FBXW8: variants seen among roughly 807,000 people sequenced by gnomAD.
FBXW8 encodes the protein F-box/WD repeat-containing protein 8.
Under a neutral mutation model 65.3 loss-of-function variants are expected in FBXW8, and 57 were observed. That is an observed-to-expected ratio of 0.87 (90% CI 0.71 to 1.09). The LOEUF is 1.09. Among genes scored for constraint, FBXW8 ranks in the 50% least tolerant of loss-of-function variants. The pLI is 0.00. For synonymous variants in FBXW8, 308 were observed against 330.2 expected (o/e 0.93, Z 0.73); for missense variants, 777 against 814.8 (o/e 0.95, Z 0.57).
chr12:116,997,212 T>G (rs1478857901), intron 7 of FBXW8, among the ~76,000 whole-genome samples: 3 of 152,200 alleles, frequency 2.0e-5, no homozygotes, highest in Admixed American at 6.5e-5. Flanking sequence ...CTTAGATGCT[T>G]TTGAGGACTG....
At chr12:116,982,555 G>A (rs1885382243) in intron 5 of FBXW8, among the ~76,000 whole-genome samples, 1 of 151,258 alleles carries the variant, frequency 6.6e-6, no homozygotes, top group South Asian at 2.1e-4. Context: ...AGGGGAAATC[G>A]AAAAAGATGA....
At chr12:116,930,316 T>C (rs1214754138) in intron 2 of FBXW8, among the ~76,000 whole-genome samples, 1 of 152,250 alleles carries the variant, frequency 6.6e-6, no homozygotes, top group Non-Finnish European at 1.5e-5. Context: ...CTCCATGTCT[T>C]TGCCAGCACT....
chr12:116,935,152 TAAAG>T (rs977851409), intron 2 of FBXW8, among the ~76,000 whole-genome samples: 31 of 152,172 alleles, frequency 2.0e-4, no homozygotes, highest in Admixed American at 5.9e-4. Context: ...AACAAAGTAA[TAAAG>T]AAAAAGAGGG....
intron 2 of FBXW8, among the ~76,000 whole-genome samples, chr12:116,944,230 T>C (rs1180353504): frequency 6.6e-6 from 1 of 152,176 alleles, no homozygotes. Context: ...TTTTGTTAAT[T>C]TCCAGACTCC....
In FBXW8 at chr12:116,911,210, G is replaced by A; in HGVS notation, c.173G>A (p.Arg58His). 8.0e-7 allele frequency: 1 copy of A among 1,251,876 alleles called. No individual in the cohort carries two copies. The highest frequency in any genetic ancestry group is 1.0e-6 in the Non-Finnish European group (1 of 1,001,810). 77.5% of individuals were successfully genotyped at this position (1,251,876 alleles called of 1,614,324 possible). ...TCGGGGGACCCGGCGCTGGCCCAGC[G>A]TCTCCTGGAGGGCGCGGGGAGGCCC... Reference protein sequence around the residue: ...QASGDPALAQRLLEGAGRPPA... With the variant: ...QASGDPALAQHLLEGAGRPPA... The change falls in exon 1 of 11, where the codon CGT becomes CAT. Residue 58 changes from arginine (R) to histidine (H), a missense_variant. By Grantham distance (29) the Arg-to-His change is conservative. Transcript: ENST00000652555.
At chr12:117,001,197 A>G (rs1002435712) in intron 7 of FBXW8, among the ~76,000 whole-genome samples, 2 of 152,204 alleles carry the variant, frequency 1.3e-5, no homozygotes, top group African/African-American at 4.8e-5. Context: ...CTCATGCACC[A>G]TGTAGAGTGA....
intron 2 of FBXW8, among the ~76,000 whole-genome samples, chr12:116,944,844 A>G (rs553157070): frequency 2.0e-5 from 3 of 152,336 alleles, no homozygotes; most frequent in South Asian, 4.1e-4. Context: ...TTAATTAAAT[A>G]TATACATATG....
intron 4 of FBXW8, among the ~76,000 whole-genome samples, chr12:116,960,611 G>A (rs548644641): frequency 1.1e-4 from 17 of 152,306 alleles, no homozygotes; most frequent in African/African-American, 3.8e-4. Flanking sequence ...ACATCAGTGT[G>A]TACATTCTGG....
chr12:116,949,473 C>T (rs1883129076), intron 3 of FBXW8, 145 bp from the exon 4 acceptor site: 2 of 693,410 alleles, frequency 2.9e-6, no homozygotes, highest in Non-Finnish European at 5.1e-6. Flanking sequence ...TCATCTTTGT[C>T]TTTTTGAATG....
chr12:116,917,376 T>C (rs1192641966), intron 1 of FBXW8, among the ~76,000 whole-genome samples: 1 of 152,196 alleles, frequency 6.6e-6, no homozygotes, highest in Non-Finnish European at 1.5e-5. Flanking sequence ...TTAGTTCCAT[T>C]TGAGACTCCC....
At chr12:116,915,500 T>A (rs1880331571) in intron 1 of FBXW8, among the ~76,000 whole-genome samples, 1 of 152,064 alleles carries the variant, frequency 6.6e-6, no homozygotes, top group Non-Finnish European at 1.5e-5. Flanking sequence ...CAGGGCAGCA[T>A]CACCAGCATG....
intron 8 of FBXW8, among the ~76,000 whole-genome samples, chr12:117,023,728 CCTCACCCGGTTAGGATCTGGGGT>C (rs1645699147): frequency 6.6e-6 from 1 of 152,226 alleles, no homozygotes; most frequent in Admixed American, 6.5e-5. Context: ...CTAACCGGGT[CCTCACCCGGTTAGGATCTGGGGT>C]GTCTGGCTTT....
In FBXW8 at chr12:117,030,498, G is replaced by A. The variant is rs958481624; in HGVS notation, c.*2326G>A. On this transcript the variant is annotated 3_prime_UTR_variant, in exon 11 of 11. Coordinates refer to ENST00000652555, the MANE Select transcript of FBXW8 (RefSeq NM_153348.3). ...TAGTCTTAATGCGTCTGGACCACTGGGGAAAATATTTTTCTTTTCAAAAAG... is the reference window on the plus strand; with the variant it reads ...TAGTCTTAATGCGTCTGGACCACTGAGGAAAATATTTTTCTTTTCAAAAAG... The A allele has an allele frequency of 1.3e-5, 2 of 152,126 alleles. No individual in the cohort carries two copies. Among genetic ancestry groups the A allele is most frequent in the African/African-American group, 4.8e-5 (2 of 41,430 alleles). 9.4% of individuals were successfully genotyped at this position (152,126 alleles called of 1,614,324 possible).
At chr12:116,919,682 C>A (rs969956845) in intron 1 of FBXW8, among the ~76,000 whole-genome samples, 1 of 152,120 alleles carries the variant, frequency 6.6e-6, no homozygotes, top group Non-Finnish European at 1.5e-5. Context: ...GGGGCCCTAT[C>A]TATGTTTGTT....
rs528371333 is a variant in FBXW8, at chr12:116,970,303, T to C, written c.835+5449T>C. 1.7e-4 allele frequency among the ~76,000 whole-genome samples: 26 copies of C among 152,324 alleles called. No individual in the cohort carries two copies. The East Asian group carries it at 4.8e-3, about 28-fold the overall frequency. On this transcript the variant is annotated intron_variant, in intron 5 of 10. Coordinates refer to ENST00000652555, the MANE Select transcript of FBXW8 (RefSeq NM_153348.3). ...AGACGCGATCTGGTGCATATTAGCA[T>C]GAGGAAGCCTGGACGGGACAGCCAG...
At chr12:116,991,006 T>C (rs900310007) in intron 7 of FBXW8, among the ~76,000 whole-genome samples, 1 of 152,274 alleles carries the variant, frequency 6.6e-6, no homozygotes. Context: ...ACAAAAAAAG[T>C]ATAGTCCTGT....
chr12:116,994,183 T>G (rs11068281), intron 7 of FBXW8, among the ~76,000 whole-genome samples: 3 of 152,122 alleles, frequency 2.0e-5, no homozygotes, highest in Non-Finnish European at 2.9e-5. Flanking sequence ...TTGGTACTGG[T>G]GTAAAAGTAG....
In FBXW8 at chr12:116,911,280, C is replaced by T. The variant is rs1879908067; in HGVS notation, c.243C>T (p.Ser81=). 7.9e-7 allele frequency: 1 copy of T among 1,261,694 alleles called. No individual in the cohort carries two copies. Among genetic ancestry groups the T allele is most frequent in the Non-Finnish European group, 9.9e-7 (1 of 1,006,358 alleles). 78.2% of individuals were successfully genotyped at this position (1,261,694 alleles called of 1,614,324 possible). ...ATRAEGQDVA[S]RSRSPLAREG... Reference sequence around the variant, plus strand: ...GGGCCGAGGGGCAGGACGTAGCGAGCCGCTCACGTTCTCCTCTGGCCCGCG... The same window carrying T: ...GGGCCGAGGGGCAGGACGTAGCGAGTCGCTCACGTTCTCCTCTGGCCCGCG... Residue 81 remains serine (S), a synonymous_variant, in exon 1 of 11, where the codon AGC becomes AGT. Transcript: ENST00000652555.
At chr12:116,913,303 A>G (rs531688048) in intron 1 of FBXW8, among the ~76,000 whole-genome samples, 2 of 152,354 alleles carry the variant, frequency 1.3e-5, no homozygotes, top group East Asian at 3.9e-4. Flanking sequence ...AAAGAAGCAA[A>G]TCATGTACAG....
Sources: gnomAD v4.1 joint callset for allele counts (sites outside exome capture counted in the v4.1 genomes callset) on GRCh38, gnomAD v4.1.1 for gene constraint, MANE v1.5 for transcripts, NCBI Gene and HGNC (gene_info 2026-07-23, HGNC 2026-07-21) for gene names.